KATNIP: variants seen among roughly 807,000 people sequenced by gnomAD.
KATNIP encodes the protein katanin interacting protein, also known as katanin-interacting protein.
A neutral mutation model predicts 174.0 loss-of-function variants in KATNIP; 126 were observed. That is an observed-to-expected ratio of 0.72 (90% CI 0.63 to 0.84). KATNIP has a LOEUF of 0.84. KATNIP is among the 40% of genes least tolerant of loss of function. The probability of loss-of-function intolerance (pLI) is 0.00; values close to 1 mark genes in which losing one functional copy is unlikely to be tolerated. For missense variants in KATNIP, 1,958 were observed against 2,109.7 expected (o/e 0.93, Z 1.41); for synonymous variants, 810 against 835.7 (o/e 0.97, Z 0.53).
rs982036086 is a variant in KATNIP at position 27,659,162 on chromosome 16, A to G, written c.540+10427A>G. 2.6e-3 allele frequency among the ~76,000 whole-genome samples: 403 copies of G among 152,292 alleles called. 4 individuals carry two copies. Among genetic ancestry groups the G allele is most frequent in the Non-Finnish European group, 7.6e-4 (52 of 68,022 alleles). Reference sequence around the variant, plus strand: ...CTTTTAAGAAGACAAGGAAGTATTCATATATTTTCAAAATATTTACATACA... The same window carrying G: ...CTTTTAAGAAGACAAGGAAGTATTCGTATATTTTCAAAATATTTACATACA... On this transcript the variant is annotated intron_variant, in intron 6 of 27. Coordinates refer to ENST00000261588, the MANE Select transcript of KATNIP (RefSeq NM_015202.5).
Position 27,749,654 on chromosome 16 carries a change from G to A in KATNIP, c.2694G>A (p.Glu898=). 6 of 1,604,560 alleles carry A rather than the reference G, an allele frequency of 3.7e-6. No homozygotes were observed. Among genetic ancestry groups the A allele is most frequent in the Middle Eastern group, 3.3e-4 (2 of 6,022 alleles). The change falls in exon 16 of 28, where the codon GAG becomes GAA. Residue 898 remains glutamate (E), a synonymous_variant. Coordinates refer to ENST00000261588, the MANE Select transcript of KATNIP (RefSeq NM_015202.5). ...WRSEQEHTLH[E]SWSSLSAFDR... The stretch of plus-strand genomic sequence containing the variant: ...GTGAGCAGGAGCACACACTTCACGA[G>A]TCATGGAGCTCCCTCAGTGCCTTCG...
intron 1 of KATNIP, among the ~76,000 whole-genome samples, chr16:27,561,048 G>GTCACCC (rs983229798): frequency 1.3e-5 from 2 of 151,384 alleles, no homozygotes; most frequent in African/African-American, 4.9e-5. Context: ...GTCTCGCTGT[G>GTCACCC]TCACCCAGGC....
At chr16:27,678,287 C>CT (rs1427268911) in intron 7 of KATNIP, among the ~76,000 whole-genome samples, 1 of 152,190 alleles carries the variant, frequency 6.6e-6, no homozygotes, top group African/African-American at 2.4e-5. Context: ...TACAGACTAG[C>CT]TTAAGCTAAG....
At chr16:27,617,354 G>A (rs920326663) in intron 2 of KATNIP, among the ~76,000 whole-genome samples, 1 of 152,086 alleles carries the variant, frequency 6.6e-6, no homozygotes, top group South Asian at 2.1e-4. Flanking sequence ...CTTCTCATTG[G>A]CACAGCATTC....
intron 3 of KATNIP, among the ~76,000 whole-genome samples, chr16:27,619,686 A>G (rs1372096608): frequency 6.6e-6 from 1 of 152,112 alleles, no homozygotes; most frequent in East Asian, 1.9e-4. Context: ...TAAGACCCTA[A>G]ATTCCATCTA....
At chr16:27,703,139 C>T (rs1341340889) in intron 11 of KATNIP, among the ~76,000 whole-genome samples, 1 of 151,840 alleles carries the variant, frequency 6.6e-6, no homozygotes, top group African/African-American at 2.4e-5. Flanking sequence ...TGCACTCCAG[C>T]CTGGGCAACA....
At chr16:27,621,551 C>T (rs1244218863) in intron 3 of KATNIP, among the ~76,000 whole-genome samples, 1 of 152,088 alleles carries the variant, frequency 6.6e-6, no homozygotes, top group Non-Finnish European at 1.5e-5. Context: ...CTGGCATGGG[C>T]CCAATTCCAT....
chr16:27,660,039 T>C (rs1225132338), intron 6 of KATNIP: 2 of 979,636 alleles, frequency 2.0e-6, no homozygotes, highest in East Asian at 2.3e-4. Context: ...AGTCTTGTTT[T>C]AGGGAGGAGA....
At chr16:27,625,590 C>T (rs1328045103) in intron 3 of KATNIP, among the ~76,000 whole-genome samples, 1 of 152,250 alleles carries the variant, frequency 6.6e-6, no homozygotes, top group Non-Finnish European at 1.5e-5. Flanking sequence ...ATCTCCCAGG[C>T]TTCCAAGGCT....
At position 27,703,937 on chromosome 16, in the gene KATNIP, G is replaced by C. The variant is rs372768394; in HGVS notation, c.1328G>C (p.Ser443Thr). The change falls in exon 12 of 28, where the codon AGT becomes ACT. Residue 443 changes from serine (S) to threonine (T), a missense_variant. Coordinates refer to ENST00000261588, the MANE Select transcript of KATNIP (RefSeq NM_015202.5). ...CTGAAAGTCCTCCAGGCCGTCGAAA[G>C]TGACTCTGCCCATCTCGGCAGGGTG... The part of the protein sequence containing the change: ...KLLKVLQAVE[S>T]DSAHLGRVVS... 21 of 1,614,246 alleles carry C rather than the reference G, an allele frequency of 1.3e-5. No individual in the cohort carries two copies. Among genetic ancestry groups the C allele is most frequent in the East Asian group, 2.2e-5 (1 of 44,892 alleles).
At position 27,740,151 on chromosome 16, in the gene KATNIP, GGT is replaced by G; in HGVS notation, c.1855_1856del (p.Val619Ter). 6.2e-7 allele frequency: 1 copy of G among 1,614,154 alleles called. No individual in the cohort carries two copies. The highest frequency in any genetic ancestry group is 1.7e-5 in the Admixed American group (1 of 60,010). On this transcript the variant is annotated frameshift_variant, in exon 15 of 28. Coordinates refer to ENST00000261588, the MANE Select transcript of KATNIP (RefSeq NM_015202.5). LOFTEE classifies it high-confidence loss of function. ...REAPADHSILVDQKNEKSEQL... is the reference protein window; with the variant it reads ...REAPADHSILXDQKNEKSEQL... ...AGGCCCCAGCTGACCACAGCATCCT[GGT>G]TGACCAGAAGAACGAGAAGAGCGAG... is the stretch of plus-strand genomic sequence containing the variant.
chr16:27,626,424 A>G (rs998591624), intron 3 of KATNIP, among the ~76,000 whole-genome samples: 10 of 152,170 alleles, frequency 6.6e-5, no homozygotes, highest in Admixed American at 3.3e-4. Context: ...GGCATTTTCT[A>G]TATTTTCATA....
intron 2 of KATNIP, among the ~76,000 whole-genome samples, chr16:27,592,595 G>A (rs1413929717): frequency 6.6e-6 from 1 of 152,036 alleles, no homozygotes; most frequent in Non-Finnish European, 1.5e-5. Context: ...TCCACCCAGG[G>A]CAATAGAGTG....
At position 27,703,974 on chromosome 16, in the gene KATNIP, C is replaced by G. The variant is rs774229843; in HGVS notation, c.1365C>G (p.Thr455=). ...ATCTCGGCAGGGTGGTTTCACCAAC[C>G]AAGGAGCAAGTATCAGACACAGAGG... The part of the protein sequence containing the change: ...SAHLGRVVSP[T]KEQVSDTEDK... Residue 455 remains threonine, a synonymous_variant, in exon 12 of 28, where the codon ACC becomes ACG. Transcript: ENST00000261588. 34 of 1,614,082 alleles carry G rather than the reference C, an allele frequency of 2.1e-5. No individual in the cohort carries two copies. The East Asian group carries it at 6.0e-4, about 29-fold the overall frequency.
At chr16:27,614,920 G>C (rs2075997003) in intron 2 of KATNIP, among the ~76,000 whole-genome samples, 1 of 152,188 alleles carries the variant, frequency 6.6e-6, no homozygotes, top group African/African-American at 2.4e-5. Context: ...TGACTGGGCT[G>C]CACATCAGGC....
intron 23 of KATNIP, among the ~76,000 whole-genome samples, chr16:27,773,476 C>T (rs1306742937): frequency 6.6e-6 from 1 of 152,154 alleles, no homozygotes. Flanking sequence ...AACTATAGCG[C>T]CCCCTTCTCG....
intron 1 of KATNIP, among the ~76,000 whole-genome samples, chr16:27,568,792 T>C (rs553334337): frequency 1.2e-4 from 19 of 152,282 alleles, no homozygotes; most frequent in Middle Eastern, 3.4e-3. Flanking sequence ...AAAACTCTTG[T>C]GATGGGGAGG....
intron 6 of KATNIP, among the ~76,000 whole-genome samples, chr16:27,655,177 G>GATATATATATATATAT (rs869205308): frequency 5.2e-5 from 2 of 38,526 alleles, no homozygotes; most frequent in Admixed American, 4.1e-4. Context: ...CCCTAGAATG[G>GATATATATATATATAT]ATATATATAT....
intron 8 of KATNIP, among the ~76,000 whole-genome samples, chr16:27,696,171 G>A (rs1417879425): frequency 6.6e-6 from 1 of 152,110 alleles, no homozygotes; most frequent in Non-Finnish European, 1.5e-5. Flanking sequence ...AAATTGGGGT[G>A]TTATTACTTT....
Sources: allele counts gnomAD v4.1 joint callset (sites outside exome capture counted in the v4.1 genomes callset), GRCh38; gene constraint gnomAD v4.1.1; transcripts MANE v1.5; gene names NCBI Gene and HGNC (gene_info 2026-07-23, HGNC 2026-07-21).